Variants in DNAH12 observed in about 807,000 individuals in gnomAD.
DNAH12 encodes axonemal beta dynein heavy chain 12.
In DNAH12, 285 loss-of-function variants were observed where a neutral mutation model predicts 371.5. The ratio of observed to expected loss-of-function variants is 0.77; its 90% confidence interval spans 0.70 to 0.85. The LOEUF is 0.85. Ranked by LOEUF, DNAH12 falls within the 40% of genes least tolerant of loss-of-function variation. The pLI, the probability that DNAH12 is intolerant of heterozygous loss-of-function variation, is 0.00. For synonymous variants in DNAH12, 1,200 were observed against 1,213.0 expected (o/e 0.99, Z 0.22); for missense variants, 3,611 against 3,689.4 (o/e 0.98, Z 0.55).
intron 2 of DNAH12, among the ~76,000 whole-genome samples, chr3:57,542,151 A>C (rs2069312606): frequency 6.7e-5 from 1 of 15,020 alleles, no homozygotes; most frequent in Non-Finnish European, 1.5e-4. Context: ...AATTTCCACT[A>C]AACTGGGGGG....
chr3:57,509,520 C>T (rs73080505), intron 5 of DNAH12, among the ~76,000 whole-genome samples: 16,391 of 151,978 alleles, frequency 0.11, 1,074 homozygotes, highest in South Asian at 0.15. Context: ...ATGTTGGTCA[C>T]AGGCTACAAA....
intron 35 of DNAH12, among the ~76,000 whole-genome samples, chr3:57,423,375 G>A (rs1014270090): frequency 6.6e-6 from 1 of 152,170 alleles, no homozygotes; most frequent in Non-Finnish European, 1.5e-5. Context: ...GTAAAAGGCG[G>A]TTCCAAACCT....
chr3:57,488,399 G>A (rs2067007278), intron 12 of DNAH12, among the ~76,000 whole-genome samples: 1 of 151,912 alleles, frequency 6.6e-6, no homozygotes. Context: ...TCACCATGTT[G>A]GCCAGGCTGG....
chr3:57,297,812 C>T (rs1324519582), intron 70 of DNAH12, among the ~76,000 whole-genome samples: 1 of 152,162 alleles, frequency 6.6e-6, no homozygotes, highest in Admixed American at 6.5e-5. Flanking sequence ...GAATATAACT[C>T]ACCGTGCAGA....
At chr3:57,432,098 C>G (rs946439949) in intron 32 of DNAH12, among the ~76,000 whole-genome samples, 34 of 151,464 alleles carry the variant, frequency 2.2e-4, no homozygotes, top group Non-Finnish European at 1.3e-4. Flanking sequence ...TAAGCTCAAC[C>G]AATATTACTG....
intron 61 of DNAH12, 65 bp from the exon 62 acceptor site, chr3:57,334,674 A>T (rs2062182596): frequency 6.6e-7 from 1 of 1,510,730 alleles, no homozygotes; most frequent in African/African-American, 1.4e-5. Context: ...ATTGTTGAAC[A>T]AGGAGTAGAA....
chr3:57,523,732 A>C (rs1027343775), intron 3 of DNAH12, 71 bp downstream of exon 3: 88 of 1,407,134 alleles, frequency 6.3e-5, no homozygotes, highest in Non-Finnish European at 4.8e-6. Flanking sequence ...CATCAGTTAT[A>C]TTGAGATTGT....
intron 13 of DNAH12, among the ~76,000 whole-genome samples, chr3:57,480,143 G>GA (rs2066684285): frequency 6.6e-6 from 1 of 151,764 alleles, no homozygotes; most frequent in Non-Finnish European, 1.5e-5. Context: ...CTGGTTTTTT[G>GA]AAAAGATCAA....
chr3:57,446,744 CAG>C (rs2065513338), intron 25 of DNAH12, 55 bp from the exon 26 acceptor site: 3 of 1,378,644 alleles, frequency 2.2e-6, no homozygotes, highest in African/African-American at 1.4e-5. Context: ...AAAAAAACAA[CAG>C]ACACTTGTTT....
At chr3:57,322,163 C>T (rs1042053841) in intron 65 of DNAH12, among the ~76,000 whole-genome samples, 180 bp downstream of exon 65, 1 of 152,118 alleles carries the variant, frequency 6.6e-6, no homozygotes, top group Non-Finnish European at 1.5e-5. Context: ...AAGTGGAACA[C>T]AAACTATATT....
At chr3:57,418,521 C>A (rs1302001840) in intron 37 of DNAH12, among the ~76,000 whole-genome samples, 2 of 147,748 alleles carry the variant, frequency 1.4e-5, no homozygotes, top group African/African-American at 5.0e-5. Context: ...GCCTGGGTGA[C>A]AGAGTGAGAC....
Position 57,293,951 on chromosome 3 carries a change from T to G in DNAH12, c.11713A>C (p.Lys3905Gln). Residue 3905 changes from lysine to glutamine, a missense_variant, in exon 74 of 74, where the codon AAG (lysine) becomes CAG (glutamine). Lys to Gln is a moderately conservative substitution (Grantham distance 53, BLOSUM62 1). Around this residue, in one of 3 missense-constraint regions of DNAH12, gnomAD observed 2,266 missense variants for 2,236.9 expected, o/e 1.01. Transcript: ENST00000495027. ...AGGGGACAGACATAGGCATCCGACT[T>G]TATAATCCGAGATTTTTGAGCTTGA... ...IKPTQKSRII[K>Q]SDAYVCPLYK... 7.1e-7 allele frequency: 1 copy of G among 1,412,682 alleles called. No individual in the cohort carries two copies. The highest frequency in any genetic ancestry group is 9.3e-7 in the Non-Finnish European group (1 of 1,074,064). The allele number at this position is 1,412,682 out of a possible 1,614,324, so 87.5% of individuals were successfully genotyped here. A position where few individuals can be genotyped will look rare whatever the true frequency, so the allele number is the denominator to read the frequency against.
At chr3:57,420,296 C>T (rs956763272) in intron 36 of DNAH12, among the ~76,000 whole-genome samples, 1 of 152,110 alleles carries the variant, frequency 6.6e-6, no homozygotes, top group African/African-American at 2.4e-5. Flanking sequence ...GCCAAAGTAG[C>T]CCCCTAAGAC....
At chr3:57,394,675 C>T (rs1177467758) in intron 43 of DNAH12, among the ~76,000 whole-genome samples, 1 of 152,188 alleles carries the variant, frequency 6.6e-6, no homozygotes, top group Non-Finnish European at 1.5e-5. Context: ...GGCCAGTAAC[C>T]TAAATTACTT....
intron 4 of DNAH12, among the ~76,000 whole-genome samples, chr3:57,518,845 C>CA (rs1399955395): frequency 2.6e-5 from 4 of 151,784 alleles, no homozygotes; most frequent in African/African-American, 9.7e-5. Flanking sequence ...GGTATTTGTG[C>CA]AAAAAAGTCT....
At chr3:57,300,478 TAATA>T (rs1017732165) in intron 70 of DNAH12, among the ~76,000 whole-genome samples, 4 of 152,160 alleles carry the variant, frequency 2.6e-5, no homozygotes, top group African/African-American at 7.2e-5. Flanking sequence ...TCCTATCAAT[TAATA>T]AATAATACAA....
Position 57,508,441 on chromosome 3 carries a change from T to C in DNAH12, c.642A>G (p.Leu214=). 6.2e-7 allele frequency: 1 copy of C among 1,613,130 alleles called. No homozygotes were observed. Among genetic ancestry groups the C allele is most frequent in the Non-Finnish European group, 8.5e-7 (1 of 1,179,814 alleles). ...CAAATGTTGTATAACCAAGGTCCAG[T>C]AACATTTTCATAGTTGGATGAATAA... is the stretch of plus-strand genomic sequence containing the variant. ...LHIIHPTMKM[L]LDLGYTTFAD... is the part of the protein sequence containing the mutation. Residue 214 remains leucine (L), a synonymous_variant, in exon 7 of 74, where the codon TTA becomes TTG. Coordinates refer to ENST00000495027, the MANE Select transcript of DNAH12 (RefSeq NM_001366028.2).
intron 25 of DNAH12, among the ~76,000 whole-genome samples, chr3:57,448,613 C>A (rs897610846): frequency 4.6e-5 from 7 of 152,322 alleles, no homozygotes; most frequent in Middle Eastern, 3.4e-3. Context: ...AGAACCCGAC[C>A]ATGTTGCCAA....
intron 33 of DNAH12, 94 bp downstream of exon 33, chr3:57,429,597 A>G: frequency 8.6e-7 from 1 of 1,157,472 alleles, no homozygotes; most frequent in Non-Finnish European, 1.2e-6. Context: ...CTAGTGCCTA[A>G]CCCATTTTCT....
Sources: allele counts gnomAD v4.1 joint callset (sites outside exome capture counted in the v4.1 genomes callset), GRCh38; gene constraint gnomAD v4.1.1; regional missense constraint gnomAD v4.1.1; transcripts MANE v1.5; gene names NCBI Gene and HGNC (gene_info 2026-07-23, HGNC 2026-07-21).